PHLDB1: variants seen among roughly 807,000 people sequenced by gnomAD.
PHLDB1 encodes pleckstrin homology like domain family B member 1.
In PHLDB1, 65 loss-of-function variants were observed where a neutral mutation model predicts 139.3. The ratio of observed to expected loss-of-function variants is 0.47; its 90% CI spans 0.38 to 0.57. The LOEUF (loss-of-function observed/expected upper bound fraction) is 0.57, where lower values mean the gene tolerates loss of function less well. Ranked by LOEUF, PHLDB1 falls within the 20% of genes least tolerant of loss-of-function variation. The probability of loss-of-function intolerance (pLI) is 0.00; values close to 1 mark genes in which losing one functional copy is unlikely to be tolerated. For missense variants in PHLDB1, 1,624 were observed against 1,839.7 expected, an observed-to-expected ratio of 0.88 and a Z score of 2.14; for synonymous variants, 679 against 734.5, an observed-to-expected ratio of 0.92 and a Z score of 1.22.
Position 118,631,393 on chromosome 11 carries a change from A to C in PHLDB1, c.2014A>C (p.Thr672Pro). Residue 672 changes from threonine to proline, a missense_variant, in exon 7 of 23, where the codon ACC becomes CCC. Transcript: ENST00000600882. ...GRSSEEPGVA[T>P]QRLWESMERS... Reference sequence around the variant, plus strand: ...GAGCAGCGAGGAGCCTGGCGTTGCCACCCAACGCCTATGGGAGAGTATGGA... The same window carrying C: ...GAGCAGCGAGGAGCCTGGCGTTGCCCCCCAACGCCTATGGGAGAGTATGGA... 6.6e-7 allele frequency: 1 copy of C among 1,503,816 alleles called. No homozygotes were observed. The highest frequency in any genetic ancestry group is 8.9e-7 in the Non-Finnish European group (1 of 1,127,142). The allele number at this position is 1,503,816 out of a possible 1,614,324, so 93.2% of individuals were successfully genotyped here.
At chr11:118,653,094 T>C (rs72999483) in intron 20 of PHLDB1, 11,696 of 152,520 alleles carry the variant, frequency 0.077, 587 homozygotes, top group Non-Finnish European at 0.11. Context: ...CTGCACAAGA[T>C]TGAGGATAGG....
rs1175310632 is a variant in PHLDB1, at chr11:118,608,840, C to G, written c.-22+1141C>G. 1.3e-5 allele frequency among the ~76,000 whole-genome samples: 2 copies of G among 152,104 alleles called. No individual in the cohort carries two copies. The highest frequency in any genetic ancestry group is 4.8e-5 in the African/African-American group (2 of 41,422). On this transcript the variant is annotated intron_variant, in intron 1 of 22. Coordinates refer to ENST00000600882, the MANE Select transcript of PHLDB1 (RefSeq NM_001144758.3). This position sits in a 1 kb window ranked among gnomAD's most constrained non-coding sequence, Gnocchi z 6.7. ...AGGAAAGCGCCCCGCGCTCACGCAG[C>G]CCCTCACACCCGCAGCCCCGCTTAC... is the stretch of plus-strand genomic sequence containing the variant.
intron 17 of PHLDB1, among the ~76,000 whole-genome samples, chr11:118,646,142 C>T (rs1473759197): frequency 6.6e-6 from 1 of 151,844 alleles, no homozygotes; most frequent in Non-Finnish European, 1.5e-5. Context: ...CGCCTGTAGT[C>T]CCAGCTGCGC....
chr11:118,657,344 T>G lies in PHLDB1; in HGVS notation c.*521T>G, dbSNP rs955913751. On this transcript the variant is annotated 3_prime_UTR_variant, in exon 23 of 23. Coordinates refer to ENST00000600882, the MANE Select transcript of PHLDB1 (RefSeq NM_001144758.3). ...ACCTTGAGGTCCCAGCTCCATCCCC[T>G]AGTTGCAGACTCATCACCATGGTTA... 3 of 154,554 alleles carry G rather than the reference T, an allele frequency of 1.9e-5. No homozygotes were observed. The highest frequency in any genetic ancestry group is 6.3e-5 in the Admixed American group (1 of 15,760). 9.6% of individuals were successfully genotyped at this position (154,554 alleles called of 1,614,324 possible). A position where few individuals can be genotyped will look rare whatever the true frequency, so the allele number is the denominator to read the frequency against.
At chr11:118,614,242 C>G (rs555615852) in intron 2 of PHLDB1, among the ~76,000 whole-genome samples, 1 of 152,182 alleles carries the variant, frequency 6.6e-6, no homozygotes, top group African/African-American at 2.4e-5. Context: ...ATTGGCCTTC[C>G]TCTACAGTAC....
At position 118,642,349 on chromosome 11, in the gene PHLDB1, C is replaced by T; in HGVS notation, c.2832C>T (p.His944=). The T allele has an allele frequency of 6.2e-7, 1 of 1,611,354 alleles. No homozygotes were observed. The highest frequency in any genetic ancestry group is 8.5e-7 in the Non-Finnish European group (1 of 1,179,910). ...CTGGCCCCGCTGCAGCCTCCCCTCACTCTTCTCCCCCGCCTCTGCCCGCCA... is the reference window on the plus strand; with the variant it reads ...CTGGCCCCGCTGCAGCCTCCCCTCATTCTTCTCCCCCGCCTCTGCCCGCCA... ...LGTGPAAASP[H]SSPPPLPAKA... is the part of the protein sequence containing the mutation. The change falls in exon 13 of 23, where the codon CAC becomes CAT. Residue 944 remains histidine, a synonymous_variant. Transcript: ENST00000600882.
At chr11:118,655,814 T>A (rs1469092363) in intron 21 of PHLDB1, 46 bp from the exon 22 acceptor site, 5 of 1,580,254 alleles carry the variant, frequency 3.2e-6, no homozygotes, top group Non-Finnish European at 3.5e-6. Flanking sequence ...CCAGTCCTTG[T>A]TCTCTTTGTC....
chr11:118,611,336 T>C lies in PHLDB1; in HGVS notation c.-21-2480T>C, dbSNP rs1940253732. 6.6e-6 allele frequency among the ~76,000 whole-genome samples: 1 copy of C among 152,172 alleles called. No individual in the cohort carries two copies. Among genetic ancestry groups the C allele is most frequent in the Admixed American group, 6.5e-5 (1 of 15,280 alleles). ...CTCCCCACACCTCTCTCCTTATCTC[T>C]CCCTTTACTTTCGCCTCCTTATTCT... is the stretch of plus-strand genomic sequence containing the variant. On this transcript the variant is annotated intron_variant, in intron 1 of 22. Coordinates refer to ENST00000600882, the MANE Select transcript of PHLDB1 (RefSeq NM_001144758.3). This position sits in a 1 kb window ranked among gnomAD's most constrained non-coding sequence, Gnocchi z 4.7.
chr11:118,625,729 TG>T (rs1943743932), intron 5 of PHLDB1, among the ~76,000 whole-genome samples: 1 of 152,132 alleles, frequency 6.6e-6, no homozygotes, highest in Non-Finnish European at 1.5e-5. Context: ...GTACACCTAG[TG>T]GGGTGGTATC....
chr11:118,635,949 C>T lies in PHLDB1; in HGVS notation c.2535+401C>T, dbSNP rs145628432. On this transcript the variant is annotated intron_variant, in intron 10 of 22. Transcript: ENST00000600882. ...TTTGAGATCTGGATATTAGAGCCAG[C>T]TAGGGGCCCTAGAAAGGGCATTCAT... Among the ~76,000 whole-genome samples the T allele has an allele frequency of 2.0e-3, 305 of 152,292 alleles. 2 individuals are homozygous for T. The highest frequency in any genetic ancestry group is 6.3e-3 in the African/African-American group (262 of 41,556).
chr11:118,606,769 G>C (rs1329727963), upstream of PHLDB1: 2 of 152,272 alleles, frequency 1.3e-5, no homozygotes, highest in Non-Finnish European at 2.9e-5. Context: ...TAGGTGTTTA[G>C]TGCCTCCTTC....
Position 118,657,246 on chromosome 11 carries a change from G to A in PHLDB1, c.*423G>A, listed in dbSNP as rs76779396. The A allele has an allele frequency of 1.2e-3, 200 of 161,250 alleles. 1 individual carries two copies. The highest frequency in any genetic ancestry group is 4.2e-3 in the African/African-American group (174 of 41,700). 10.0% of individuals were successfully genotyped at this position (161,250 alleles called of 1,614,324 possible). On this transcript the variant is annotated 3_prime_UTR_variant, in exon 23 of 23. Coordinates refer to ENST00000600882, the MANE Select transcript of PHLDB1 (RefSeq NM_001144758.3). ...GCCCGCTTCCCATTTCTCAAACCCC[G>A]CTCTGCCCCATTGTTCTCCTTTCCC...
chr11:118,627,770 A>G lies in PHLDB1; in HGVS notation c.947A>G (p.Lys316Arg). The change falls in exon 6 of 23, where the codon AAA (lysine) becomes AGA (arginine). Residue 316 changes from lysine to arginine, a missense_variant. Physicochemically the swap from Lys to Arg is conservative, Grantham distance 26 (BLOSUM62 2). Coordinates refer to ENST00000600882, the MANE Select transcript of PHLDB1 (RefSeq NM_001144758.3). ...TCCGAGAGTCCTCGGCTGAGCAGGA[A>G]AGGGGGCCATGAGAGGCCTCCCAGC... ...ARSESPRLSR[K>R]GGHERPPSPG... is the part of the protein sequence containing the mutation. 1 of 1,606,870 alleles carries G rather than the reference A, an allele frequency of 6.2e-7. No individual in the cohort carries two copies. Among genetic ancestry groups the G allele is most frequent in the Non-Finnish European group, 8.5e-7 (1 of 1,179,812 alleles).
In PHLDB1 at chr11:118,608,053, G is replaced by A. The variant is rs1939453598; in HGVS notation, c.-22+354G>A. On this transcript the variant is annotated intron_variant, in intron 1 of 22. Coordinates refer to ENST00000600882, the MANE Select transcript of PHLDB1 (RefSeq NM_001144758.3). The surrounding 1 kb of genome is among the most constrained non-coding windows in gnomAD (Gnocchi z 6.7). ...CGGGCGGACACTCGCGGGGTATCGG[G>A]CGGCGAGCGCGCGCGCGGGTTTTCG... is the stretch of plus-strand genomic sequence containing the variant. Among the ~76,000 whole-genome samples the A allele has an allele frequency of 6.6e-6, 1 of 152,074 alleles. No homozygotes were observed.
chr11:118,630,697 A>T (rs1439493686), intron 6 of PHLDB1, among the ~76,000 whole-genome samples: 1 of 152,006 alleles, frequency 6.6e-6, no homozygotes, highest in Non-Finnish European at 1.5e-5. Context: ...GCCAGGGCAC[A>T]TGTTGTATCC....
At position 118,656,674 on chromosome 11, in the gene PHLDB1, C is replaced by A. The variant is rs1555142065; in HGVS notation, c.3994-9C>A. On this transcript the variant is annotated splice_polypyrimidine_tract_variant and intron_variant, in intron 22 of 22. Coordinates refer to ENST00000600882, the MANE Select transcript of PHLDB1 (RefSeq NM_001144758.3). The stretch of plus-strand genomic sequence containing the variant: ...CCCCATCTTAGACCTTCCTCTCTTC[C>A]TTTGGCAGAGCCCGAACCCAGCCCT... 1.9e-6 allele frequency: 3 copies of A among 1,612,628 alleles called. No homozygotes were observed. Among genetic ancestry groups the A allele is most frequent in the Non-Finnish European group, 2.5e-6 (3 of 1,179,016 alleles).
chr11:118,639,448 C>T, intron 12 of PHLDB1, 197 bp downstream of exon 12: 1 of 586,802 alleles, frequency 1.7e-6, no homozygotes, highest in South Asian at 2.0e-5. Context: ...TTAGTTGCCT[C>T]TGGGGTTCCC....
rs192648548 is a variant in PHLDB1 at position 118,642,484 on chromosome 11, C to T, written c.2877+90C>T. ...CAATCCATCAGCCACACAGTACCACCTTGAGTGGAGGCGTCAGCCCAGTCA... is the reference window on the plus strand; with the variant it reads ...CAATCCATCAGCCACACAGTACCACTTTGAGTGGAGGCGTCAGCCCAGTCA... On this transcript the variant is annotated intron_variant, in intron 13 of 22. Coordinates refer to ENST00000600882, the MANE Select transcript of PHLDB1 (RefSeq NM_001144758.3). 7.0e-6 allele frequency: 10 copies of T among 1,424,890 alleles called. No homozygotes were observed. The Admixed American group carries it at 1.8e-4, about 25-fold the overall frequency. 88.3% of individuals were successfully genotyped at this position (1,424,890 alleles called of 1,614,324 possible).
Position 118,616,177 on chromosome 11 carries a change from G to A in PHLDB1, c.321G>A (p.Gly107=), listed in dbSNP as rs1555089299. The A allele has an allele frequency of 5.0e-6, 8 of 1,613,964 alleles. No homozygotes were observed. Among genetic ancestry groups the A allele is most frequent in the Middle Eastern group, 1.6e-4 (1 of 6,084 alleles). Residue 107 remains glycine (G), a synonymous_variant, in exon 4 of 23, where the codon GGG becomes GGA. Transcript: ENST00000600882. ...GTGGCAATGCCTGCACTATTGATGG[G>A]CTCCCTGTCCGGCAGCCTACCCGGC... ...YPCGNACTID[G]LPVRQPTRLT...
Sources: gnomAD v4.1 joint callset for allele counts (sites outside exome capture counted in the v4.1 genomes callset) on GRCh38, gnomAD v4.1.1 for gene constraint, Gnocchi (gnomAD v3.1) non-coding constraint, MANE v1.5 for transcripts, NCBI Gene and HGNC (gene_info 2026-07-23, HGNC 2026-07-21) for gene names.